Variants in DNAH3 observed in about 807,000 individuals in gnomAD.
DNAH3 encodes the protein dynein axonemal heavy chain 3, also known as axonemal beta dynein heavy chain 3.
In DNAH3, 332 loss-of-function variants were observed where a neutral mutation model predicts 432.5. That is an observed-to-expected ratio of 0.77 (90% CI 0.70 to 0.84). The LOEUF (loss-of-function observed/expected upper bound fraction) is 0.84, where lower values mean the gene tolerates loss of function less well. Ranked by LOEUF, DNAH3 falls within the 40% of genes least tolerant of loss-of-function variation. DNAH3 has a pLI of 0.00. For missense variants in DNAH3, 4,861 were observed against 5,114.0 expected (o/e 0.95, Z 1.51); for synonymous variants, 1,956 against 1,900.2 (o/e 1.03, Z -0.76).
chr16:20,982,297 A>G (rs991798739), intron 49 of DNAH3, among the ~76,000 whole-genome samples: 1 of 152,046 alleles, frequency 6.6e-6, no homozygotes, highest in Non-Finnish European at 1.5e-5. Flanking sequence ...GAGGCATGAG[A>G]ATCACTTGAA....
At position 20,980,162 on chromosome 16, in the gene DNAH3, GA is replaced by G. The variant is rs10667143; in HGVS notation, c.7860-617del. Among the ~76,000 whole-genome samples the G allele has an allele frequency of 7.3e-4, 91 of 124,056 alleles. 1 individual carries two copies. The highest frequency in any genetic ancestry group is 2.7e-3 in the African/African-American group (78 of 29,040). The allele number at this position is 124,056 out of a possible 152,430, so 81.4% of individuals were successfully genotyped here. A position where few individuals can be genotyped will look rare whatever the true frequency, so the allele number is the denominator to read the frequency against. On this transcript the variant is annotated intron_variant, in intron 49 of 61. Coordinates refer to ENST00000261383, the Ensembl canonical transcript of DNAH3. Reference sequence around the variant, plus strand: ...TTTGGAGATATTCCCTGACTTTGTAGAAAAAAAAATATATATATATATATAT... The same window carrying G: ...TTTGGAGATATTCCCTGACTTTGTAGAAAAAAAATATATATATATATATAT...
intron 27 of DNAH3, 139 bp from the exon 28 acceptor site, chr16:21,054,673 T>C: frequency 3.2e-6 from 2 of 628,250 alleles, no homozygotes; most frequent in Non-Finnish European, 5.6e-6. Flanking sequence ...AACTTTTCCT[T>C]ACCCCAGTCC....
intron 1 of DNAH3, among the ~76,000 whole-genome samples, chr16:21,149,626 C>T (rs1171265961): frequency 6.6e-6 from 1 of 152,144 alleles, no homozygotes; most frequent in Non-Finnish European, 1.5e-5. Context: ...GGATCGGAAT[C>T]TAGGAGTGGG....
At chr16:21,031,344 CAA>C in intron 36 of DNAH3, 58 bp from the exon 37 acceptor site, 5 of 1,593,948 alleles carry the variant, frequency 3.1e-6, no homozygotes, top group Non-Finnish European at 4.3e-6. Context: ...GAAGGTTAAA[CAA>C]GAGATGATGT....
At chr16:21,152,453 G>A (rs2092863081) in intron 1 of DNAH3, among the ~76,000 whole-genome samples, 2 of 152,228 alleles carry the variant, frequency 1.3e-5, no homozygotes, top group African/African-American at 4.8e-5. Context: ...CACAGCCCTC[G>A]CTCGCTCTCG....
chr16:20,973,553 CTATCT>C (rs2085442089), intron 51 of DNAH3, among the ~76,000 whole-genome samples: 1 of 152,146 alleles, frequency 6.6e-6, no homozygotes, highest in South Asian at 2.1e-4. Flanking sequence ...TTTCCCGGCC[CTATCT>C]GTCATTCTGA....
intron 42 of DNAH3, among the ~76,000 whole-genome samples, chr16:21,002,021 T>C (rs1291831822): frequency 1.3e-5 from 2 of 152,190 alleles, no homozygotes; most frequent in Non-Finnish European, 2.9e-5. Flanking sequence ...ACCTCAGTGC[T>C]GGGGGTTGCT....
intron 37 of DNAH3, among the ~76,000 whole-genome samples, chr16:21,029,147 T>C (rs2088739234): frequency 6.6e-6 from 1 of 152,258 alleles, no homozygotes; most frequent in African/African-American, 2.4e-5. Flanking sequence ...GACCAACCGA[T>C]ACATCTGTAC....
chr16:20,982,707 C>T lies in DNAH3; in HGVS notation c.7859+14G>A. Reference sequence around the variant, plus strand: ...TTGGAATATCTAGAGTCCTAAAATGCAATCAACACTTACTCTACCCGAATG... The same window carrying T: ...TTGGAATATCTAGAGTCCTAAAATGTAATCAACACTTACTCTACCCGAATG... On this transcript the variant is annotated intron_variant, in intron 49 of 61. Coordinates refer to ENST00000261383, the Ensembl canonical transcript of DNAH3. The T allele has an allele frequency of 6.2e-7, 1 of 1,606,940 alleles. No individual in the cohort carries two copies. Among genetic ancestry groups the T allele is most frequent in the Non-Finnish European group, 8.5e-7 (1 of 1,175,088 alleles).
chr16:21,045,014 G>A (rs2089629919), intron 31 of DNAH3, among the ~76,000 whole-genome samples: 1 of 152,112 alleles, frequency 6.6e-6, no homozygotes, highest in Non-Finnish European at 1.5e-5. Flanking sequence ...TTGCATCCCA[G>A]GGATGAAGCC....
At chr16:21,135,852 C>A (rs867013883) in intron 6 of DNAH3, among the ~76,000 whole-genome samples, 3 of 143,408 alleles carry the variant, frequency 2.1e-5, no homozygotes, top group South Asian at 2.2e-4. Context: ...CAAGCCTAGG[C>A]AACATAGGGA....
rs1017036669 is a variant in DNAH3 at position 21,134,146 on chromosome 16, T to C, written c.1082+113A>G. 38 of 1,115,114 alleles carry C rather than the reference T, an allele frequency of 3.4e-5. 1 individual carries two copies. Among genetic ancestry groups the C allele is most frequent in the Admixed American group, 1.3e-4 (5 of 38,782 alleles). The allele number at this position is 1,115,114 out of a possible 1,614,324, so 69.1% of individuals were successfully genotyped here. On this transcript the variant is annotated intron_variant, in intron 7 of 61. Coordinates refer to ENST00000261383, the Ensembl canonical transcript of DNAH3. ...CATATTTGGCCTAGATTTTTTTTTC[T>C]TTCATTTCTCTATGCTGTCAGGGCT...
intron 48 of DNAH3, 81 bp from the exon 49 acceptor site, chr16:20,982,967 C>T: frequency 6.5e-7 from 1 of 1,538,858 alleles, no homozygotes; most frequent in Non-Finnish European, 8.9e-7. Flanking sequence ...CCCAAGGATT[C>T]TGGTGGGGTA....
intron 59 of DNAH3, among the ~76,000 whole-genome samples, chr16:20,940,481 C>T (rs535927908): frequency 2.0e-5 from 3 of 152,036 alleles, no homozygotes; most frequent in Non-Finnish European, 4.4e-5. Flanking sequence ...GGCTGGAGTG[C>T]AGTGGCAAGA....
intron 19 of DNAH3, 114 bp downstream of exon 19, chr16:21,086,735 A>G: frequency 1.1e-6 from 1 of 902,974 alleles, no homozygotes; most frequent in South Asian, 1.5e-5. Flanking sequence ...CCTTAAATAG[A>G]GTCTCCTTTC....
At chr16:21,083,763 A>G (rs998254253) in intron 19 of DNAH3, among the ~76,000 whole-genome samples, 2 of 152,178 alleles carry the variant, frequency 1.3e-5, no homozygotes, top group Non-Finnish European at 2.9e-5. Context: ...GCATCAGGGC[A>G]GAGAATGACA....
At chr16:20,935,373 A>C in exon 61 of DNAH3, 1 of 1,614,032 alleles carries the variant, frequency 6.2e-7, no homozygotes, top group Non-Finnish European at 8.5e-7. Flanking sequence ...AATGTGGTCA[A>C]TGGGGATGGT....
At chr16:21,043,819 G>A in intron 31 of DNAH3, among the ~76,000 whole-genome samples, 3 of 112,084 alleles carry the variant, frequency 2.7e-5, no homozygotes, top group Non-Finnish European at 3.6e-5. Context: ...TAACGTTTAA[G>A]TCTTTAATCC....
At chr16:21,040,939 C>T (rs985874640) in intron 32 of DNAH3, among the ~76,000 whole-genome samples, 2 of 152,174 alleles carry the variant, frequency 1.3e-5, no homozygotes, top group Admixed American at 6.5e-5. Flanking sequence ...AGAGCCAGGG[C>T]TAGAATCTAG....
Sources: allele counts gnomAD v4.1 joint callset (sites outside exome capture counted in the v4.1 genomes callset), GRCh38; gene constraint gnomAD v4.1.1; transcripts MANE v1.5; gene names NCBI Gene and HGNC (gene_info 2026-07-23, HGNC 2026-07-21).